MARF1: variants seen among roughly 807,000 people sequenced by gnomAD.
MARF1 encodes the protein meiosis regulator and mRNA stability factor 1.
A neutral mutation model predicts 168.2 loss-of-function variants in MARF1; 24 were observed. The ratio of observed to expected loss-of-function variants is 0.14; its 90% CI spans 0.10 to 0.20. The LOEUF (loss-of-function observed/expected upper bound fraction) is 0.20. Among genes scored for constraint, MARF1 ranks in the 10% least tolerant of loss-of-function variants. The probability of loss-of-function intolerance (pLI) is 1.00; values close to 1 mark genes in which losing one functional copy is unlikely to be tolerated. For missense variants in MARF1, 1,744 were observed against 2,143.6 expected (o/e 0.81, Z 3.68); for synonymous variants, 868 against 822.4 (o/e 1.06, Z -0.95).
chr16:15,625,452 T>C lies in MARF1; in HGVS notation c.1873A>G (p.Ser625Gly). 1.2e-6 allele frequency: 2 copies of C among 1,614,222 alleles called. No homozygotes were observed. The highest frequency in any genetic ancestry group is 1.1e-5 in the South Asian group (1 of 91,072). ...CCTTTTCCAGGCGTGGCTTTGGCACTGGAAGATTGTTCACTTGCATCTTTG... is the reference window on the plus strand; with the variant it reads ...CCTTTTCCAGGCGTGGCTTTGGCACCGGAAGATTGTTCACTTGCATCTTTG... Reference protein sequence around the residue: ...LIKDASEQSSSAKATPGKGSQ... With the variant: ...LIKDASEQSSGAKATPGKGSQ... The change falls in exon 8 of 27, where the codon AGT becomes GGT. Residue 625 changes from serine (S) to glycine (G), a missense_variant. Ser to Gly is a moderately conservative substitution (Grantham distance 56). Coordinates refer to ENST00000396368, the MANE Select transcript of MARF1 (RefSeq NM_014647.4).
In MARF1 at chr16:15,630,085, T is replaced by G. The variant is rs978729775; in HGVS notation, c.1524+247A>C. 2.9e-5 allele frequency: 11 copies of G among 383,862 alleles called. 1 individual carries two copies. The highest frequency in any genetic ancestry group is 2.2e-4 in the South Asian group (2 of 9,294). 23.8% of individuals were successfully genotyped at this position (383,862 alleles called of 1,614,324 possible). ...GCTAGCTTTGAAGACACTGGCAAGT[T>G]GGGAAGGTAAATCTACAAGTCAATT... On this transcript the variant is annotated intron_variant, in intron 7 of 26. Transcript: ENST00000396368.
rs1483212666 is a variant in MARF1, at chr16:15,630,511, G to A, written c.1352-7C>T. 1 of 1,611,798 alleles carries A rather than the reference G, an allele frequency of 6.2e-7. No homozygotes were observed. On this transcript the variant is annotated splice_polypyrimidine_tract_variant and splice_region_variant and intron_variant, in intron 6 of 26. Transcript: ENST00000396368. The stretch of plus-strand genomic sequence containing the variant: ...AATGCAAAATTGACATCAGCTGAAA[G>A]AAAAGGTACAGACCAACCCCATCCC...
At position 15,600,465 on chromosome 16, in the gene MARF1, G is replaced by C; in HGVS notation, c.4776C>G (p.His1592Gln). Residue 1592 changes from histidine to glutamine, a missense_variant, in exon 25 of 27, where the codon CAC (histidine) becomes CAG (glutamine). By Grantham distance (24) the His-to-Gln change is conservative. This residue lies in a region of MARF1 where 313 missense variants were observed against 337.4 expected (regional missense o/e 0.93). Transcript: ENST00000396368. ...GERILEVPES[H>Q]TASELKLGAD... ...CTCCAAGCTTGAGTTCCGAGGCTGT[G>C]TGCGATTCGGGCACCTCCAGGATGC... 1 of 1,614,162 alleles carries C rather than the reference G, an allele frequency of 6.2e-7. No individual in the cohort carries two copies. The highest frequency in any genetic ancestry group is 8.5e-7 in the Non-Finnish European group (1 of 1,180,036).
intron 7 of MARF1, among the ~76,000 whole-genome samples, chr16:15,629,114 A>C (rs189019565): frequency 2.9e-4 from 44 of 151,420 alleles, no homozygotes; most frequent in African/African-American, 1.0e-3. Context: ...AGCTCACTGC[A>C]ACCTTCACCT....
At chr16:15,628,664 C>G (rs1178320433) in intron 7 of MARF1, among the ~76,000 whole-genome samples, 1 of 152,130 alleles carries the variant, frequency 6.6e-6, no homozygotes, top group African/African-American at 2.4e-5. Context: ...GATCTGCCCA[C>G]CTCAGCTTCC....
In MARF1 at chr16:15,625,760, T is replaced by G; in HGVS notation, c.1565A>C (p.Asn522Thr). Residue 522 changes from asparagine (N) to threonine (T), a missense_variant, in exon 8 of 27, where the codon AAT (asparagine) becomes ACT (threonine). This residue lies in a region of MARF1 where 217 missense variants were observed against 372.4 expected (regional missense o/e 0.58). Coordinates refer to ENST00000396368, the MANE Select transcript of MARF1 (RefSeq NM_014647.4). ...GTTGCTGACGCTCTTGCCATCCTTA[T>G]TTGCTGGTAGGTTATAAACATAGAG... ...TLLYVYNLPA[N>T]KDGKSVSNRL... The G allele has an allele frequency of 6.2e-7, 1 of 1,614,052 alleles. No homozygotes were observed. The highest frequency in any genetic ancestry group is 1.1e-5 in the South Asian group (1 of 91,076).
chr16:15,626,343 T>C (rs992933670), intron 7 of MARF1, among the ~76,000 whole-genome samples: 1 of 152,196 alleles, frequency 6.6e-6, no homozygotes, highest in Non-Finnish European at 1.5e-5. Context: ...AAAATTATTG[T>C]ACACTTAAAA....
intron 15 of MARF1, 63 bp from the exon 16 acceptor site, chr16:15,616,068 C>T: frequency 7.6e-7 from 1 of 1,316,796 alleles, no homozygotes; most frequent in East Asian, 2.6e-5. Context: ...AAAGGAGGCG[C>T]TTGCTAAACA....
At chr16:15,629,704 C>T (rs2035120938) in intron 7 of MARF1, among the ~76,000 whole-genome samples, 1 of 152,212 alleles carries the variant, frequency 6.6e-6, no homozygotes, top group South Asian at 2.1e-4. Context: ...CAGCCCAGCA[C>T]TGCAATAAAC....
chr16:15,606,878 C>A (rs1266841617), intron 21 of MARF1, among the ~76,000 whole-genome samples: 2 of 152,178 alleles, frequency 1.3e-5, no homozygotes, highest in Non-Finnish European at 1.5e-5. Context: ...CTAGCTGCTG[C>A]CACAGCCCTC....
At chr16:15,623,616 A>G (rs2034628293) in intron 10 of MARF1, among the ~76,000 whole-genome samples, 1 of 152,054 alleles carries the variant, frequency 6.6e-6, no homozygotes, top group Non-Finnish European at 1.5e-5. Flanking sequence ...GATTTCAGAC[A>G]TTGTCAAAAG....
chr16:15,625,470 C>T lies in MARF1; in HGVS notation c.1855G>A (p.Ala619Thr). The T allele has an allele frequency of 6.2e-7, 1 of 1,614,168 alleles. No individual in the cohort carries two copies. Among genetic ancestry groups the T allele is most frequent in the Middle Eastern group, 1.6e-4 (1 of 6,062 alleles). The change falls in exon 8 of 27, where the codon GCA (alanine) becomes ACA (threonine). Residue 619 changes from alanine to threonine, a missense_variant. Physicochemically the swap from Ala to Thr is moderately conservative, Grantham distance 58. Transcript: ENST00000396368. The stretch of plus-strand genomic sequence containing the variant: ...TTGGCACTGGAAGATTGTTCACTTG[C>T]ATCTTTGATGAGGCACAATTTTGGA... ...KNPKLCLIKD[A>T]SEQSSSAKAT...
chr16:15,615,001 G>A (rs1053045224), intron 16 of MARF1, among the ~76,000 whole-genome samples: 18 of 152,004 alleles, frequency 1.2e-4, no homozygotes, highest in African/African-American at 4.1e-4. Flanking sequence ...GGCTGGTCTT[G>A]AACTCCTGAC....
chr16:15,601,792 G>C, intron 23 of MARF1, 199 bp downstream of exon 23: 3 of 611,714 alleles, frequency 4.9e-6, no homozygotes, highest in Non-Finnish European at 8.7e-6. Context: ...CTGGCATATA[G>C]GGATTTAATA....
At chr16:15,629,096 G>A (rs1479994097) in intron 7 of MARF1, among the ~76,000 whole-genome samples, 6 of 150,286 alleles carry the variant, frequency 4.0e-5, no homozygotes, top group African/African-American at 4.9e-5. Context: ...GTGCAGTGGC[G>A]CGATCTCAGC....
chr16:15,638,746 G>A (rs2035761528), intron 2 of MARF1, among the ~76,000 whole-genome samples: 1 of 152,146 alleles, frequency 6.6e-6, no homozygotes, highest in Non-Finnish European at 1.5e-5. Flanking sequence ...CAAAACTCAA[G>A]AGGGCTACAG....
At chr16:15,601,737 C>T in intron 23 of MARF1, 1 of 566,020 alleles carries the variant, frequency 1.8e-6, no homozygotes, top group South Asian at 2.1e-5. Context: ...TTGACTCTCC[C>T]ATTAACCAAC....
intron 11 of MARF1, 42 bp from the exon 12 acceptor site, chr16:15,621,953 G>A: frequency 6.3e-7 from 1 of 1,579,328 alleles, no homozygotes; most frequent in East Asian, 2.2e-5. Context: ...TGTCCGCCCA[G>A]AACCCTGTCG....
At chr16:15,612,869 G>A (rs989433628) in intron 16 of MARF1, 92 bp from the exon 17 acceptor site, 61 of 1,043,240 alleles carry the variant, frequency 5.8e-5, no homozygotes, top group East Asian at 1.4e-4. Context: ...GCTTGAGTTC[G>A]ATCATGGGGA....
Sources: gnomAD v4.1 joint callset for allele counts (sites outside exome capture counted in the v4.1 genomes callset) on GRCh38, gnomAD v4.1.1 for gene constraint, gnomAD v4.1.1 regional missense constraint, MANE v1.5 for transcripts, NCBI Gene and HGNC (gene_info 2026-07-23, HGNC 2026-07-21) for gene names.